CCDC25: variants seen among roughly 807,000 people sequenced by gnomAD.
CCDC25 encodes the protein coiled-coil domain containing 25.
In CCDC25, 16 loss-of-function variants were observed where a neutral mutation model predicts 35.3. The ratio of observed to expected loss-of-function variants is 0.45; its 90% CI spans 0.31 to 0.69. The LOEUF (loss-of-function observed/expected upper bound fraction) is 0.69. CCDC25 is among the 30% of genes least tolerant of loss of function. The pLI is 0.06. For missense variants in CCDC25, 179 were observed against 250.7 expected (o/e 0.71, Z 1.93); for synonymous variants, 79 against 80.3 (o/e 0.98, Z 0.09).
chr8:27,763,137 C>T (rs1284199705), intron 2 of CCDC25, among the ~76,000 whole-genome samples: 1 of 152,062 alleles, frequency 6.6e-6, no homozygotes, highest in African/African-American at 2.4e-5. Context: ...ACAATGACTA[C>T]CTAATTCTCT....
At chr8:27,765,289 C>T (rs1804363777) in intron 1 of CCDC25, 38 bp from the exon 2 acceptor site, 1 of 1,382,422 alleles carries the variant, frequency 7.2e-7, no homozygotes, top group Non-Finnish European at 9.7e-7. Context: ...TTAGTAACTT[C>T]ATCACCAACA....
At position 27,734,020 on chromosome 8, in the gene CCDC25, AG is replaced by A. The variant is rs1261112230; in HGVS notation, c.*2195del. 1 of 152,278 alleles carries A rather than the reference AG, an allele frequency of 6.6e-6. No homozygotes were observed. Among genetic ancestry groups the A allele is most frequent in the Non-Finnish European group, 1.5e-5 (1 of 68,062 alleles). The allele number at this position is 152,278 out of a possible 1,614,324, so 9.4% of individuals were successfully genotyped here. A position where few individuals can be genotyped will look rare whatever the true frequency, so the allele number is the denominator to read the frequency against. On this transcript the variant is annotated 3_prime_UTR_variant, in exon 9 of 9. Transcript: ENST00000356537. ...AAGGCTCGCTGAAATCTGTGCTTCAAGAACGAGTTAAAGACAATACAATAAA... is the reference window on the plus strand; with the variant it reads ...AAGGCTCGCTGAAATCTGTGCTTCAAAACGAGTTAAAGACAATACAATAAA...
chr8:27,763,765 T>A (rs1287329566), intron 2 of CCDC25, among the ~76,000 whole-genome samples: 1 of 152,042 alleles, frequency 6.6e-6, no homozygotes, highest in Non-Finnish European at 1.5e-5. Flanking sequence ...TATGTGATGA[T>A]TTAAAATGTA....
At chr8:27,768,833 G>T (rs905553242) in intron 1 of CCDC25, among the ~76,000 whole-genome samples, 3 of 152,162 alleles carry the variant, frequency 2.0e-5, no homozygotes, top group Non-Finnish European at 4.4e-5. Flanking sequence ...TTAGGCAGAT[G>T]ATATTAACAG....
Position 27,737,884 on chromosome 8 carries a change from T to TCTCACACA in CCDC25, c.598-1640_598-1639insTGTGTGAG, listed in dbSNP as rs1554547880. 1.3e-5 allele frequency among the ~76,000 whole-genome samples: 2 copies of TCTCACACA among 148,446 alleles called. No homozygotes were observed. Among genetic ancestry groups the TCTCACACA allele is most frequent in the Non-Finnish European group, 3.0e-5 (2 of 66,818 alleles). On this transcript the variant is annotated intron_variant, in intron 8 of 8. Transcript: ENST00000356537. This position sits in a 1 kb window ranked among gnomAD's most constrained non-coding sequence, Gnocchi z 4.6. ...AACTGTGGTGTGTGTATACACACAC[T>TCTCACACA]CACACACACACACACACACACACAC... is the stretch of plus-strand genomic sequence containing the variant.
intron 3 of CCDC25, among the ~76,000 whole-genome samples, chr8:27,757,704 T>G (rs17057783): frequency 0.045 from 6,844 of 152,234 alleles, 228 homozygotes; most frequent in African/African-American, 0.096. Context: ...ACAAACAAGG[T>G]AACACTATCG....
At chr8:27,749,412 C>T (rs1803718616) in intron 5 of CCDC25, among the ~76,000 whole-genome samples, 1 of 152,110 alleles carries the variant, frequency 6.6e-6, no homozygotes, top group Non-Finnish European at 1.5e-5. Flanking sequence ...TTAACACCAC[C>T]AAAAATGGCA....
At chr8:27,747,485 C>T (rs755414320) in intron 7 of CCDC25, among the ~76,000 whole-genome samples, 9 of 152,174 alleles carry the variant, frequency 5.9e-5, no homozygotes, top group Non-Finnish European at 1.2e-4. Context: ...TTTTAAGCTA[C>T]TACATTTGTG....
chr8:27,747,346 A>G (rs1803639808), intron 7 of CCDC25, among the ~76,000 whole-genome samples: 1 of 152,214 alleles, frequency 6.6e-6, no homozygotes, highest in South Asian at 2.1e-4. Context: ...AAGGAGCCAC[A>G]AGCCAAGAAA....
chr8:27,752,373 G>C, intron 5 of CCDC25, 139 bp downstream of exon 5: 1 of 642,182 alleles, frequency 1.6e-6, no homozygotes, highest in South Asian at 2.0e-5. Flanking sequence ...CCATCTTAAA[G>C]AACAAAACAT....
Position 27,735,868 on chromosome 8 carries a change from T to C in CCDC25, c.*348A>G, listed in dbSNP as rs1049575745. On this transcript the variant is annotated 3_prime_UTR_variant, in exon 9 of 9. Coordinates refer to ENST00000356537, the MANE Select transcript of CCDC25 (RefSeq NM_018246.3). The stretch of plus-strand genomic sequence containing the variant: ...GAAAAGTGTTTCAAGACATCTGTTT[T>C]CAGGGATAGACCAGAGCAGCAGAAG... The C allele has an allele frequency of 1.0e-5, 2 of 193,836 alleles. No individual in the cohort carries two copies. The highest frequency in any genetic ancestry group is 4.6e-5 in the African/African-American group (2 of 43,124). The allele number at this position is 193,836 out of a possible 1,614,324, so 12.0% of individuals were successfully genotyped here.
intron 5 of CCDC25, 117 bp from the exon 6 acceptor site, chr8:27,748,715 A>G (rs1803692290): frequency 6.9e-6 from 5 of 720,626 alleles, no homozygotes; most frequent in Non-Finnish European, 1.2e-5. Flanking sequence ...CGAACAGGCC[A>G]CCCCTTGTTT....
At chr8:27,759,135 C>T (rs552464087) in intron 3 of CCDC25, among the ~76,000 whole-genome samples, 1 of 152,270 alleles carries the variant, frequency 6.6e-6, no homozygotes, top group East Asian at 1.9e-4. Flanking sequence ...TCCCTGTTAC[C>T]CTTTCCTGAA....
intron 5 of CCDC25, 66 bp from the exon 6 acceptor site, chr8:27,748,664 C>G: frequency 8.6e-7 from 1 of 1,161,672 alleles, no homozygotes; most frequent in South Asian, 1.3e-5. Flanking sequence ...CCCTTACCCA[C>G]TGGCAAACTG....
chr8:27,759,779 C>CAAAAA (rs77051762), intron 3 of CCDC25, among the ~76,000 whole-genome samples: 8 of 91,276 alleles, frequency 8.8e-5, no homozygotes, highest in Admixed American at 3.8e-4. Flanking sequence ...GACTCTGTCT[C>CAAAAA]AAAAAAAAAA....
At chr8:27,770,941 A>T (rs1585382518) in intron 1 of CCDC25, among the ~76,000 whole-genome samples, 1 of 152,304 alleles carries the variant, frequency 6.6e-6, no homozygotes. Flanking sequence ...GATGTCTTCC[A>T]AGATCTCCAG....
chr8:27,743,178 T>C (rs1247957398), intron 7 of CCDC25, among the ~76,000 whole-genome samples: 1 of 152,176 alleles, frequency 6.6e-6, no homozygotes, highest in African/African-American at 2.4e-5. Context: ...CAAATCCTAA[T>C]GTTTTACCTA....
chr8:27,772,624 G>A lies in CCDC25; in HGVS notation c.-84C>T. Reference sequence around the variant, plus strand: ...TCAGGATACCAGACTCGCGGCGGCCGCCTGGCCCCCGGAACTCCTCCGTGC... The same window carrying A: ...TCAGGATACCAGACTCGCGGCGGCCACCTGGCCCCCGGAACTCCTCCGTGC... On this transcript the variant is annotated 5_prime_UTR_variant, in exon 1 of 9. Transcript: ENST00000356537. 9 of 1,413,422 alleles carry A rather than the reference G, an allele frequency of 6.4e-6. No homozygotes were observed. The highest frequency in any genetic ancestry group is 8.7e-6 in the Non-Finnish European group (9 of 1,028,918). 87.6% of individuals were successfully genotyped at this position (1,413,422 alleles called of 1,614,324 possible). A position where few individuals can be genotyped will look rare whatever the true frequency, so the allele number is the denominator to read the frequency against.
At chr8:27,748,722 G>A (rs1339830318) in intron 5 of CCDC25, 124 bp from the exon 6 acceptor site, 1 of 681,196 alleles carries the variant, frequency 1.5e-6, no homozygotes, top group Non-Finnish European at 2.6e-6. Context: ...GCCACCCCTT[G>A]TTTTAAACCA....
Sources: gnomAD v4.1 joint callset for allele counts (sites outside exome capture counted in the v4.1 genomes callset) on GRCh38, gnomAD v4.1.1 for gene constraint, Gnocchi (gnomAD v3.1) non-coding constraint, MANE v1.5 for transcripts, NCBI Gene and HGNC (gene_info 2026-07-23, HGNC 2026-07-21) for gene names.